The following CHMP4B variants were observed in gnomAD, a reference collection of about 807,000 sequenced individuals.
The protein encoded by CHMP4B is charged multivesicular body protein 4B, also known as SNF7 homolog associated with Alix 1.
CHMP4B carries 1 observed loss-of-function variant against 25.1 expected under a neutral mutation model. The observed-to-expected ratio is 0.04, with a 90% CI of 0.01 to 0.19. CHMP4B has a LOEUF of 0.19. CHMP4B is among the 10% of genes least tolerant of loss of function. The pLI is 1.00. For missense variants in CHMP4B, 151 were observed against 289.7 expected (o/e 0.52, Z 3.48); for synonymous variants, 101 against 115.6 (o/e 0.87, Z 0.81).
intron 1 of CHMP4B, among the ~76,000 whole-genome samples, chr20:33,834,952 G>A (rs1025808857): frequency 1.1e-4 from 17 of 151,918 alleles, no homozygotes; most frequent in African/African-American, 3.9e-4. Flanking sequence ...ACAGGCACAC[G>A]CCACCACGCC....
Position 33,811,403 on chromosome 20 carries a change from C to CCCGAGCCGAGCCGAG in CHMP4B, c.-52_-38dup, listed in dbSNP as rs1008712701. ...GACTGGGAGCGGGCGCCGGAGCCGA[C>CCCGAGCCGAGCCGAG]CCGAGCCGAGCCGAGCCGAGCCGAG... On this transcript the variant is annotated 5_prime_UTR_variant, in exon 1 of 5. Transcript: ENST00000217402. The CCCGAGCCGAGCCGAG allele has an allele frequency of 1.5e-6, 2 of 1,330,538 alleles. No homozygotes were observed. Among genetic ancestry groups the CCCGAGCCGAGCCGAG allele is most frequent in the Non-Finnish European group, 1.9e-6 (2 of 1,034,736 alleles). 82.4% of individuals were successfully genotyped at this position (1,330,538 alleles called of 1,614,324 possible).
At chr20:33,852,054 C>T (rs1979866534) in intron 3 of CHMP4B, 23 bp from the exon 4 acceptor site, 2 of 1,613,386 alleles carry the variant, frequency 1.2e-6, no homozygotes, top group East Asian at 2.2e-5. Flanking sequence ...GGAGGGCGCT[C>T]ACTTTGTGTT....
intron 3 of CHMP4B, among the ~76,000 whole-genome samples, 179 bp from the exon 4 acceptor site, chr20:33,851,897 GT>G (rs1478487692): frequency 6.6e-6 from 1 of 152,124 alleles, no homozygotes; most frequent in Non-Finnish European, 1.5e-5. Context: ...GCAGTGATAC[GT>G]TCCCCAGTAG....
chr20:33,835,039 G>T, intron 1 of CHMP4B, among the ~76,000 whole-genome samples: 1 of 152,112 alleles, frequency 6.6e-6, no homozygotes, highest in Admixed American at 6.5e-5. Flanking sequence ...CAAGGGATCC[G>T]CCCGCCTCGG....
At chr20:33,830,570 T>C (rs960587436) in intron 1 of CHMP4B, among the ~76,000 whole-genome samples, 52 of 152,002 alleles carry the variant, frequency 3.4e-4, no homozygotes, top group Admixed American at 8.5e-4. Flanking sequence ...TTCTGTGGAG[T>C]GTGTGTTGTG....
intron 1 of CHMP4B, among the ~76,000 whole-genome samples, chr20:33,819,795 C>CA (rs1265264810): frequency 2.0e-5 from 3 of 152,094 alleles, no homozygotes; most frequent in African/African-American, 7.2e-5. Context: ...TCTTTAGCTA[C>CA]AAAAATGGAA....
intron 1 of CHMP4B, among the ~76,000 whole-genome samples, chr20:33,832,171 C>T (rs746922511): frequency 2.0e-5 from 3 of 152,188 alleles, no homozygotes; most frequent in African/African-American, 2.4e-5. Context: ...GTTGTCATCT[C>T]GGTTGCCAGG....
rs202200324 is a variant in CHMP4B at position 33,824,910 on chromosome 20, T to C, written c.190+13252T>C. ...CTAGGGCTTGTCAAGCCACTGCAAA[T>C]AGAGCTCTAGAGTGTTAGAGGCTGG... On this transcript the variant is annotated intron_variant, in intron 1 of 4. Transcript: ENST00000217402. Among the ~76,000 whole-genome samples, 12 of 152,200 alleles carry C rather than the reference T, an allele frequency of 7.9e-5. No homozygotes were observed. In the East Asian group the frequency reaches 2.1e-3, roughly 27 times the overall value.
At chr20:33,826,077 T>C (rs998774480) in intron 1 of CHMP4B, among the ~76,000 whole-genome samples, 2 of 152,214 alleles carry the variant, frequency 1.3e-5, no homozygotes, top group Non-Finnish European at 2.9e-5. Context: ...AGGAACTCCC[T>C]GTCTGGTGAG....
intron 1 of CHMP4B, among the ~76,000 whole-genome samples, chr20:33,813,731 T>TTGTG (rs1978705400): frequency 1.3e-5 from 2 of 152,208 alleles, no homozygotes; most frequent in Non-Finnish European, 2.9e-5. Flanking sequence ...TTTTGTTTGT[T>TTGTG]TGTTTGTTTG....
chr20:33,851,800 A>G (rs1224903548), intron 3 of CHMP4B, among the ~76,000 whole-genome samples: 4 of 152,314 alleles, frequency 2.6e-5, no homozygotes, highest in East Asian at 3.9e-4. Flanking sequence ...TCTGAGCCAA[A>G]TAAATAGGAA....
chr20:33,841,005 G>T (rs1979526027), intron 1 of CHMP4B, among the ~76,000 whole-genome samples: 1 of 152,194 alleles, frequency 6.6e-6, no homozygotes, highest in African/African-American at 2.4e-5. Flanking sequence ...TCCTAAGCTT[G>T]TTTGACTGCA....
Position 33,852,065 on chromosome 20 carries a change from T to C in CHMP4B, c.484-12T>C. On this transcript the variant is annotated splice_polypyrimidine_tract_variant and intron_variant, in intron 3 of 4. Coordinates refer to ENST00000217402, the MANE Select transcript of CHMP4B (RefSeq NM_176812.5). ...CCAGGGAGGGCGCTCACTTTGTGTTTCCTTTTACTAGGATGAGCTCATGGC... is the reference window on the plus strand; with the variant it reads ...CCAGGGAGGGCGCTCACTTTGTGTTCCCTTTTACTAGGATGAGCTCATGGC... 1 of 1,613,940 alleles carries C rather than the reference T, an allele frequency of 6.2e-7. No homozygotes were observed. Among genetic ancestry groups the C allele is most frequent in the Middle Eastern group, 1.7e-4 (1 of 5,834 alleles).
intron 2 of CHMP4B, among the ~76,000 whole-genome samples, chr20:33,849,466 G>C (rs1406980754): frequency 2.0e-5 from 3 of 152,144 alleles, no homozygotes; most frequent in African/African-American, 7.2e-5. Context: ...TGGGTGTCGT[G>C]GCATGCGCCT....
intron 1 of CHMP4B, among the ~76,000 whole-genome samples, chr20:33,844,948 A>G (rs1393305060): frequency 2.0e-5 from 3 of 151,914 alleles, no homozygotes; most frequent in Non-Finnish European, 4.4e-5. Flanking sequence ...TTTAGTAGAG[A>G]TGGGGTTTCA....
chr20:33,828,237 A>G lies in CHMP4B; in HGVS notation c.190+16579A>G, dbSNP rs143099495. Reference sequence around the variant, plus strand: ...CCATACAGAGGGAAATCCCAGGCCCAGAGAGGTTAGGTGACCTGTTAAAAG... The same window carrying G: ...CCATACAGAGGGAAATCCCAGGCCCGGAGAGGTTAGGTGACCTGTTAAAAG... On this transcript the variant is annotated intron_variant, in intron 1 of 4. Coordinates refer to ENST00000217402, the MANE Select transcript of CHMP4B (RefSeq NM_176812.5). Among the ~76,000 whole-genome samples, 525 of 152,338 alleles carry G rather than the reference A, an allele frequency of 3.4e-3. 6 individuals carry two copies. The highest frequency in any genetic ancestry group is 0.012 in the African/African-American group (488 of 41,562).
intron 1 of CHMP4B, among the ~76,000 whole-genome samples, chr20:33,815,777 C>T (rs1164590694): frequency 6.6e-6 from 1 of 152,176 alleles, no homozygotes; most frequent in East Asian, 1.9e-4. Context: ...CACGACGGGA[C>T]GAACTCAACT....
intron 3 of CHMP4B, among the ~76,000 whole-genome samples, chr20:33,851,802 A>G (rs1979858144): frequency 6.6e-6 from 1 of 152,166 alleles, no homozygotes; most frequent in African/African-American, 2.4e-5. Context: ...TGAGCCAAAT[A>G]AATAGGAAGG....
chr20:33,811,790 G>A, intron 1 of CHMP4B, 132 bp downstream of exon 1: 2 of 926,090 alleles, frequency 2.2e-6, no homozygotes, highest in Non-Finnish European at 3.4e-6. Flanking sequence ...CTTCTTGCCG[G>A]GTCTGGGACC....
Sources: gnomAD v4.1 joint callset for allele counts (sites outside exome capture counted in the v4.1 genomes callset) on GRCh38, gnomAD v4.1.1 for gene constraint, MANE v1.5 for transcripts, NCBI Gene and HGNC (gene_info 2026-07-23, HGNC 2026-07-21) for gene names.